The following FYCO1 variants were observed in gnomAD, a reference collection of about 807,000 sequenced individuals.
FYCO1 encodes FYVE and coiled-coil domain-containing protein 1.
Under a neutral mutation model 165.1 loss-of-function variants are expected in FYCO1, and 122 were observed. The ratio of observed to expected loss-of-function variants is 0.74; its 90% CI spans 0.64 to 0.86. The LOEUF is 0.86. Ranked by LOEUF, FYCO1 falls within the 40% of genes least tolerant of loss-of-function variation. The pLI is 0.00. For synonymous variants in FYCO1, 648 were observed against 742.5 expected (o/e 0.87, Z 2.07); for missense variants, 1,702 against 1,810.3 (o/e 0.94, Z 1.09).
In FYCO1 at chr3:45,955,333, T is replaced by A; in HGVS notation, c.3860A>T (p.Glu1287Val). The change falls in exon 14 of 18, where the codon GAA becomes GTA. Residue 1287 changes from glutamate (E) to valine (V), a missense_variant. Glu to Val is a moderately radical substitution (Grantham distance 121). Transcript: ENST00000296137. ...DAVFDIITDEELCQIQESGSS... is the reference protein window; with the variant it reads ...DAVFDIITDEVLCQIQESGSS... ...GCCGGACTCCTGTATCTGGCACAAT[T>A]CCTCATCTGTGATGATATCAAACAC... The A allele has an allele frequency of 6.2e-7, 1 of 1,614,180 alleles. No homozygotes were observed. The highest frequency in any genetic ancestry group is 8.5e-7 in the Non-Finnish European group (1 of 1,180,020).
rs763917142 is a variant in FYCO1, at chr3:45,966,537, G to A, written c.2797C>T (p.Leu933Phe). Residue 933 changes from leucine (L) to phenylalanine (F), a missense_variant, in exon 8 of 18, where the codon CTC becomes TTC. Transcript: ENST00000296137. ...EEALACAVQE[L>F]QDAKEAASRE... Reference sequence around the variant, plus strand: ...GAGGCTGCCTCTTTGGCGTCCTGGAGCTCCTGGACAGCACAGGCCAGTGCC... The same window carrying A: ...GAGGCTGCCTCTTTGGCGTCCTGGAACTCCTGGACAGCACAGGCCAGTGCC... The A allele has an allele frequency of 6.2e-7, 1 of 1,613,970 alleles. No homozygotes were observed. Among genetic ancestry groups the A allele is most frequent in the Non-Finnish European group, 8.5e-7 (1 of 1,179,866 alleles).
chr3:45,965,009 C>T, intron 9 of FYCO1, 24 bp downstream of exon 9: 1 of 1,589,738 alleles, frequency 6.3e-7, no homozygotes, highest in Non-Finnish European at 8.6e-7. Context: ...CTCTCCCTGA[C>T]AGGTCTACAC....
chr3:45,937,406 C>T lies in FYCO1; in HGVS notation c.3945-863G>A, dbSNP rs574803969. 3.7e-4 allele frequency among the ~76,000 whole-genome samples: 57 copies of T among 152,326 alleles called. No homozygotes were observed. The South Asian group carries it at 6.4e-3, about 17-fold the overall frequency. ...CCCTCTAGCTGGAGGTCTCTGTGGC[C>T]CCCAAGGGCAGGGGACATGGTATGA... On this transcript the variant is annotated intron_variant, in intron 14 of 17. Coordinates refer to ENST00000296137, the MANE Select transcript of FYCO1 (RefSeq NM_024513.4).
chr3:45,983,827 C>T (rs1348345799), intron 2 of FYCO1, among the ~76,000 whole-genome samples: 2 of 152,146 alleles, frequency 1.3e-5, no homozygotes, highest in Non-Finnish European at 2.9e-5. Flanking sequence ...TAGAAAGTGC[C>T]CGGTGCACAT....
chr3:45,936,806 C>T (rs900649388), intron 14 of FYCO1, among the ~76,000 whole-genome samples: 2 of 152,092 alleles, frequency 1.3e-5, no homozygotes, highest in Non-Finnish European at 2.9e-5. Context: ...ATACCTCCTG[C>T]TATAGGAAGG....
At chr3:45,978,747 A>G (rs1706890478) in intron 4 of FYCO1, among the ~76,000 whole-genome samples, 1 of 152,220 alleles carries the variant, frequency 6.6e-6, no homozygotes, top group Non-Finnish European at 1.5e-5. Context: ...CCTGGATGGA[A>G]TAGGCTGAGG....
rs1182672515 is a variant in FYCO1, at chr3:45,968,287, C to A, written c.1047G>T (p.Gln349His). The A allele has an allele frequency of 1.2e-6, 2 of 1,613,828 alleles. No homozygotes were observed. The highest frequency in any genetic ancestry group is 2.7e-5 in the African/African-American group (2 of 74,936). Residue 349 changes from glutamine to histidine, a missense_variant, in exon 8 of 18, where the codon CAG (glutamine) becomes CAT (histidine). Physicochemically the swap from Gln to His is conservative, Grantham distance 24. Coordinates refer to ENST00000296137, the MANE Select transcript of FYCO1 (RefSeq NM_024513.4). ...GTGAGTCCCGTGTGGCCTCAAGCTC[C>A]TGTGCCAAGGGCTGCAGCATGGACT... ...RLESMLQPLA[Q>H]ELEATRDSLD...
At chr3:45,940,998 C>T (rs1054137521) in intron 14 of FYCO1, 1 of 152,204 alleles carries the variant, frequency 6.6e-6, no homozygotes, top group Non-Finnish European at 1.5e-5. Context: ...TCCTCCAGAA[C>T]AATTCCTCTC....
At chr3:45,990,696 C>T (rs1377391586) in intron 1 of FYCO1, among the ~76,000 whole-genome samples, 1 of 152,190 alleles carries the variant, frequency 6.6e-6, no homozygotes, top group Non-Finnish European at 1.5e-5. Flanking sequence ...TAGATCCTTG[C>T]CCCACCATAC....
Position 45,923,751 on chromosome 3 carries a change from C to A in FYCO1, c.4266G>T (p.Thr1422=). 6.2e-7 allele frequency: 1 copy of A among 1,613,820 alleles called. No individual in the cohort carries two copies. Among genetic ancestry groups the A allele is most frequent in the South Asian group, 1.1e-5 (1 of 91,066 alleles). The change falls in exon 17 of 18, where the codon ACG becomes ACT. Residue 1422 remains threonine (T), a synonymous_variant. Coordinates refer to ENST00000296137, the MANE Select transcript of FYCO1 (RefSeq NM_024513.4). The part of the protein sequence containing the change: ...PLDQCKVLIP[T]TRCNSHKENI... ...TCTCCTTGTGGGAGTTGCATCGGGT[C>A]GTGGGAATGAGGACCTGGGAGGGAA...
chr3:45,953,644 TG>T (rs138972404), intron 14 of FYCO1, among the ~76,000 whole-genome samples: 3,420 of 152,278 alleles, frequency 0.022, 130 homozygotes, highest in African/African-American at 0.076. Flanking sequence ...TTTGTCCCTC[TG>T]AAGCCTGCTC....
intron 14 of FYCO1, chr3:45,946,962 C>T (rs1704656489): frequency 6.2e-7 from 1 of 1,614,116 alleles, no homozygotes; most frequent in African/African-American, 1.3e-5. Context: ...GATATCCCTG[C>T]TGGTTTCCTT....
intron 14 of FYCO1, chr3:45,946,516 T>G: frequency 6.2e-7 from 1 of 1,614,170 alleles, no homozygotes; most frequent in East Asian, 2.2e-5. Flanking sequence ...GACTATGGGT[T>G]CAGCAGTTTC....
At position 45,973,187 on chromosome 3, in the gene FYCO1, C is replaced by CTCAG. The variant is rs750290919; in HGVS notation, c.436_439dup (p.Ser147ThrfsTer11). 6.2e-7 allele frequency: 1 copy of CTCAG among 1,614,212 alleles called. No individual in the cohort carries two copies. The highest frequency in any genetic ancestry group is 1.3e-5 in the African/African-American group (1 of 75,052). ...ATAGAGTTGGCCCACAATGTCCGAG[C>CTCAG]TCAGCTTTGGCTGCAGAAAGGGGCT... On this transcript the variant is annotated frameshift_variant, in exon 6 of 18. Coordinates refer to ENST00000296137, the MANE Select transcript of FYCO1 (RefSeq NM_024513.4). LOFTEE classifies it high-confidence loss of function.
chr3:45,962,278 A>T lies in FYCO1; in HGVS notation c.3384T>A (p.Asp1128Glu), dbSNP rs765280144. The change falls in exon 11 of 18, where the codon GAT (aspartate) becomes GAA (glutamate). Residue 1128 changes from aspartate to glutamate, a missense_variant. Physicochemically the swap from Asp to Glu is conservative, Grantham distance 45. Transcript: ENST00000296137. The surrounding 1 kb of genome is among the most constrained non-coding windows in gnomAD (Gnocchi z 4.4). ...GATACTTCTTGGTTCTGTTGAGGTCATCCAGGTCAGCAAGCATCTTCTGGT... is the reference window on the plus strand; with the variant it reads ...GATACTTCTTGGTTCTGTTGAGGTCTTCCAGGTCAGCAAGCATCTTCTGGT... Reference protein sequence around the residue: ...RNDQKMLADLDDLNRTKKYLE... With the variant: ...RNDQKMLADLEDLNRTKKYLE... The T allele has an allele frequency of 6.2e-7, 1 of 1,614,204 alleles. No individual in the cohort carries two copies. Among genetic ancestry groups the T allele is most frequent in the South Asian group, 1.1e-5 (1 of 91,084 alleles).
At chr3:45,983,745 A>G (rs2125873057) in intron 2 of FYCO1, among the ~76,000 whole-genome samples, 1 of 151,518 alleles carries the variant, frequency 6.6e-6, no homozygotes, top group South Asian at 2.1e-4. Context: ...TAGATTTAAA[A>G]AAGCATCTAA....
chr3:45,992,912 C>T (rs1707625760), intron 1 of FYCO1, among the ~76,000 whole-genome samples: 1 of 34,818 alleles, frequency 2.9e-5, no homozygotes, highest in Non-Finnish European at 1.1e-4. Context: ...CTTGGCCTTG[C>T]CCCCTGCATG....
intron 13 of FYCO1, 127 bp downstream of exon 13, chr3:45,958,281 G>A: frequency 1.3e-6 from 1 of 763,310 alleles, no homozygotes; most frequent in African/African-American, 1.7e-5. Flanking sequence ...ATATATTTTA[G>A]CACCTCTTTA....
At chr3:45,994,509 G>A (rs544878146) in intron 1 of FYCO1, among the ~76,000 whole-genome samples, 2 of 152,288 alleles carry the variant, frequency 1.3e-5, no homozygotes, top group Admixed American at 1.3e-4. Context: ...TGCACAACTA[G>A]TATGGGGCAT....
Sources: gnomAD v4.1 joint callset for allele counts (sites outside exome capture counted in the v4.1 genomes callset) on GRCh38, gnomAD v4.1.1 for gene constraint, Gnocchi (gnomAD v3.1) non-coding constraint, MANE v1.5 for transcripts, NCBI Gene and HGNC (gene_info 2026-07-23, HGNC 2026-07-21) for gene names.